MDM4: variants seen among roughly 807,000 people sequenced by gnomAD.
The protein encoded by MDM4 is protein Mdm4.
Under a neutral mutation model 60.2 loss-of-function variants are expected in MDM4, and 2 were observed. The ratio of observed to expected loss-of-function variants is 0.03; its 90% CI spans 0.01 to 0.10. The LOEUF is 0.10. Among genes scored for constraint, MDM4 ranks in the 10% least tolerant of loss-of-function variants. The pLI is 1.00. For synonymous variants in MDM4, 202 were observed against 198.1 expected, an observed-to-expected ratio of 1.02 and a Z score of -0.17; for missense variants, 447 against 577.5, an observed-to-expected ratio of 0.77 and a Z score of 2.32.
At chr1:204,529,088 G>A in intron 3 of MDM4, 2 of 1,378,920 alleles carry the variant, frequency 1.5e-6, no homozygotes, top group Non-Finnish European at 2.0e-6. Context: ...GCAGCTCTGT[G>A]TAGCTAATGG....
intron 5 of MDM4, among the ~76,000 whole-genome samples, chr1:204,535,184 G>C (rs1661273115): frequency 6.9e-6 from 1 of 144,996 alleles, no homozygotes; most frequent in Non-Finnish European, 1.5e-5. Flanking sequence ...TTGAGATGGA[G>C]TCTCGCTCTG....
Position 204,528,891 on chromosome 1 carries a change from C to T in MDM4, c.154-1793C>T, listed in dbSNP as rs868698013. The T allele has an allele frequency of 8.8e-6, 14 of 1,593,816 alleles. No individual in the cohort carries two copies. The Admixed American group carries it at 1.0e-4, about 11-fold the overall frequency. On this transcript the variant is annotated intron_variant, in intron 3 of 10. Transcript: ENST00000367182. ...GGTGACGACGTCCTTGAAGCTGAGCCGAATGTTGCCTTGTACAGCTGTGTC... is the reference window on the plus strand; with the variant it reads ...GGTGACGACGTCCTTGAAGCTGAGCTGAATGTTGCCTTGTACAGCTGTGTC...
At chr1:204,532,494 C>T in intron 5 of MDM4, 1 of 555,132 alleles carries the variant, frequency 1.8e-6, no homozygotes, top group Non-Finnish European at 3.1e-6. Context: ...CATCTAGACA[C>T]ACTTTTAAAA....
chr1:204,540,517 CT>C (rs1445751160), intron 7 of MDM4, among the ~76,000 whole-genome samples: 6 of 151,962 alleles, frequency 3.9e-5, no homozygotes, highest in Admixed American at 6.5e-5. Context: ...AATCCTAGCA[CT>C]TTGGGAGGCT....
At chr1:204,538,346 C>A in intron 7 of MDM4, 38 bp downstream of exon 7, 2 of 1,056,430 alleles carry the variant, frequency 1.9e-6, no homozygotes, top group South Asian at 1.3e-5. Flanking sequence ...CTTTTGTTCT[C>A]TTCCTCTTCC....
chr1:204,530,172 G>A (rs1042567798), intron 3 of MDM4, among the ~76,000 whole-genome samples: 9 of 152,248 alleles, frequency 5.9e-5, no homozygotes, highest in South Asian at 2.1e-4. Context: ...CACTTCAGCC[G>A]ACTAAATTTT....
intron 7 of MDM4, 149 bp downstream of exon 7, chr1:204,538,457 C>T (rs1661642771): frequency 1.7e-6 from 1 of 598,852 alleles, no homozygotes; most frequent in Non-Finnish European, 3.0e-6. Context: ...TAGTTACTAC[C>T]ATTGTTAGCT....
intron 10 of MDM4, 76 bp downstream of exon 10, chr1:204,546,953 TG>T (rs1572522646): frequency 1.1e-6 from 1 of 881,656 alleles, no homozygotes; most frequent in East Asian, 2.6e-5. Context: ...TCACTTGTGT[TG>T]AAGAGTGCTG....
rs1234415892 is a variant in MDM4 at position 204,542,920 on chromosome 1, C to T, written c.648C>T (p.Gly216=). The change falls in exon 8 of 11, where the codon GGC becomes GGT. Residue 216 remains glycine (G), a synonymous_variant. Coordinates refer to ENST00000367182, the MANE Select transcript of MDM4 (RefSeq NM_002393.5). The part of the protein sequence containing the change: ...LRSNYTPRSN[G]STDLQTNQDV... ...GCAACTATACACCTAGAAGTAATGG[C>T]TCAACTGATTTACAGACAAATCAGG... is the stretch of plus-strand genomic sequence containing the variant. 1 of 1,608,624 alleles carries T rather than the reference C, an allele frequency of 6.2e-7. No individual in the cohort carries two copies. The highest frequency in any genetic ancestry group is 1.3e-5 in the African/African-American group (1 of 74,622).
At chr1:204,542,747 G>A (rs2102418509) in intron 7 of MDM4, 37 bp from the exon 8 acceptor site, 2 of 1,506,962 alleles carry the variant, frequency 1.3e-6, no homozygotes, top group Non-Finnish European at 1.8e-6. Context: ...ATTACGTATT[G>A]TGCATAGTTA....
chr1:204,550,684 TTCACTA>T lies in MDM4; in HGVS notation c.*1008_*1013del, dbSNP rs1338938458. On this transcript the variant is annotated 3_prime_UTR_variant, in exon 11 of 11. Coordinates refer to ENST00000367182, the MANE Select transcript of MDM4 (RefSeq NM_002393.5). Reference sequence around the variant, plus strand: ...CCAGCCTCAGCTTCCCTCACAGGCATTCACTATCACTCCCAGCTAATTAAAATAATT... The same window carrying T: ...CCAGCCTCAGCTTCCCTCACAGGCATTCACTCCCAGCTAATTAAAATAATT... 1 of 169,190 alleles carries T rather than the reference TTCACTA, an allele frequency of 5.9e-6. No homozygotes were observed. Among genetic ancestry groups the T allele is most frequent in the Non-Finnish European group, 1.2e-5 (1 of 81,218 alleles). 10.5% of individuals were successfully genotyped at this position (169,190 alleles called of 1,614,324 possible). A position where few individuals can be genotyped will look rare whatever the true frequency, so the allele number is the denominator to read the frequency against.
At chr1:204,529,963 G>A (rs537929484) in intron 3 of MDM4, among the ~76,000 whole-genome samples, 30 of 152,192 alleles carry the variant, frequency 2.0e-4, no homozygotes, top group Middle Eastern at 3.4e-3. Flanking sequence ...TGCAACCTCC[G>A]CTTCCCAGGT....
chr1:204,520,497 T>G (rs1180770464), intron 1 of MDM4, among the ~76,000 whole-genome samples: 9 of 152,126 alleles, frequency 5.9e-5, no homozygotes, highest in Non-Finnish European at 7.4e-5. Context: ...TCAGGATGAT[T>G]ATTATTGCAG....
intron 3 of MDM4, among the ~76,000 whole-genome samples, chr1:204,527,816 G>A (rs907649476): frequency 1.3e-5 from 2 of 151,936 alleles, no homozygotes; most frequent in African/African-American, 4.8e-5. Flanking sequence ...TTCATTTGGT[G>A]GGGTAGATAT....
At chr1:204,524,762 G>A (rs1006751854) in intron 1 of MDM4, among the ~76,000 whole-genome samples, 1 of 152,238 alleles carries the variant, frequency 6.6e-6, no homozygotes, top group Non-Finnish European at 1.5e-5. Context: ...GGGGGACAGC[G>A]AGACTGTGTC....
intron 7 of MDM4, among the ~76,000 whole-genome samples, chr1:204,539,924 G>A (rs1661859331): frequency 6.6e-6 from 1 of 152,052 alleles, no homozygotes. Flanking sequence ...TTTCATGCAC[G>A]GAATTATTTA....
intron 1 of MDM4, among the ~76,000 whole-genome samples, chr1:204,523,035 G>A (rs557655123): frequency 5.3e-5 from 8 of 151,698 alleles, no homozygotes; most frequent in South Asian, 4.2e-4. Context: ...CCTAATTTTT[G>A]GAGCTTTAGT....
chr1:204,535,524 C>T (rs1661318564), intron 5 of MDM4, among the ~76,000 whole-genome samples: 1 of 151,396 alleles, frequency 6.6e-6, no homozygotes, highest in South Asian at 2.1e-4. Context: ...ATAAATATGA[C>T]TAACTTTGTG....
intron 3 of MDM4, chr1:204,528,822 C>T (rs1398331098): frequency 1.7e-5 from 25 of 1,458,980 alleles, no homozygotes; most frequent in Middle Eastern, 2.4e-4. Flanking sequence ...CTGGTGCACT[C>T]CACTCTCCAC....
Sources: allele counts gnomAD v4.1 joint callset (sites outside exome capture counted in the v4.1 genomes callset), GRCh38; gene constraint gnomAD v4.1.1; transcripts MANE v1.5; gene names NCBI Gene and HGNC (gene_info 2026-07-23, HGNC 2026-07-21).